TBX1: variants seen among roughly 807,000 people sequenced by gnomAD.
TBX1 encodes T-box transcription factor TBX1.
In TBX1, 16 loss-of-function variants were observed where a neutral mutation model predicts 40.8. The observed-to-expected ratio is 0.39, with a 90% CI of 0.27 to 0.60. The LOEUF (loss-of-function observed/expected upper bound fraction) is 0.60. Ranked by LOEUF, TBX1 falls within the 20% of genes least tolerant of loss-of-function variation. The pLI is 0.51. For missense variants in TBX1, 755 were observed against 728.5 expected (o/e 1.04, Z -0.42); for synonymous variants, 403 against 336.8 (o/e 1.20, Z -2.15).
chr22:19,783,295 T>C (rs1937160071), downstream of TBX1: 1 of 447,950 alleles, frequency 2.2e-6, no homozygotes, highest in South Asian at 2.1e-5. Flanking sequence ...TCGATTTCTC[T>C]ACACCCCACA....
chr22:19,765,196 T>A, intron 4 of TBX1, 83 bp downstream of exon 4: 1 of 1,595,442 alleles, frequency 6.3e-7, no homozygotes, highest in Non-Finnish European at 8.6e-7. Context: ...TTGGGGACAG[T>A]GGGTCCGCTT....
At chr22:19,762,576 A>G (rs1007240246) in intron 1 of TBX1, among the ~76,000 whole-genome samples, 1 of 152,204 alleles carries the variant, frequency 6.6e-6, no homozygotes, top group East Asian at 1.9e-4. Context: ...AACAGGAAAG[A>G]CACAAACTGA....
In TBX1 at chr22:19,765,071, G is replaced by A. The variant is rs767591426; in HGVS notation, c.825G>A (p.Glu275=). 3.7e-6 allele frequency: 6 copies of A among 1,614,128 alleles called. No individual in the cohort carries two copies. The South Asian group carries it at 5.5e-5, about 15-fold the overall frequency. The part of the protein sequence containing the change: ...AEENFKTFVF[E]ETRFTAVTAY... ...AGAACTTCAAAACCTTTGTGTTCGA[G>A]GAGACACGATTCACCGCGGTCACTG... The change falls in exon 4 of 7, where the codon GAG becomes GAA. Residue 275 remains glutamate, a synonymous_variant. Transcript: ENST00000649276.
rs901612741 is a variant in TBX1 at position 19,767,212 on chromosome 22, G to T, written c.*345G>T. On this transcript the variant is annotated 3_prime_UTR_variant, in exon 7 of 7. Coordinates refer to ENST00000649276, the MANE Select transcript of TBX1 (RefSeq NM_001379200.1). ...GACCGCGTCGCCCGCGGCCCGGCCG[G>T]CAGTTGCAGTGTAGACAGCCCGAGA... 9.1e-7 allele frequency: 1 copy of T among 1,099,632 alleles called. No individual in the cohort carries two copies. Among genetic ancestry groups the T allele is most frequent in the Non-Finnish European group, 1.1e-6 (1 of 904,380 alleles). 68.1% of individuals were successfully genotyped at this position (1,099,632 alleles called of 1,614,324 possible). A position where few individuals can be genotyped will look rare whatever the true frequency, so the allele number is the denominator to read the frequency against.
intron 2 of TBX1, chr22:19,763,754 G>T (rs1601288468): frequency 2.5e-6 from 1 of 395,216 alleles, no homozygotes; most frequent in East Asian, 5.1e-5. Context: ...ATTATGCAGG[G>T]CGGGCCTCAG....
At chr22:19,766,340 T>G in intron 6 of TBX1, 49 bp from the exon 7 acceptor site, 1 of 1,242,216 alleles carries the variant, frequency 8.1e-7, no homozygotes, top group South Asian at 2.8e-5. Flanking sequence ...GCGTCGGAGC[T>G]CCTCGGCGGC....
chr22:19,766,568 A>C lies in TBX1; in HGVS notation c.1216A>C (p.Asn406His), dbSNP rs72646967. 313,682 of 1,441,986 alleles carry C rather than the reference A, an allele frequency of 0.22. 37,415 individuals carry two copies. Among genetic ancestry groups the C allele is most frequent in the East Asian group, 0.47 (15,149 of 31,994 alleles). The allele number at this position is 1,441,986 out of a possible 1,614,324, so 89.3% of individuals were successfully genotyped here. ...GAPGGRPSPP[N>H]PELRLEAPGA... ...GCCCGGAGGCCGGCCCAGTCCCCCGAACCCCGAGCTGCGCCTGGAGGCGCC... is the reference window on the plus strand; with the variant it reads ...GCCCGGAGGCCGGCCCAGTCCCCCGCACCCCGAGCTGCGCCTGGAGGCGCC... Residue 406 changes from asparagine to histidine, a missense_variant, in exon 7 of 7, where the codon AAC becomes CAC. Transcript: ENST00000649276.
rs2145838243 is a variant in TBX1, at chr22:19,766,475, G to A, written c.1123G>A (p.Ala375Thr). The A allele has an allele frequency of 7.5e-7, 1 of 1,327,766 alleles. No individual in the cohort carries two copies. The highest frequency in any genetic ancestry group is 9.7e-7 in the Non-Finnish European group (1 of 1,033,086). 82.2% of individuals were successfully genotyped at this position (1,327,766 alleles called of 1,614,324 possible). The stretch of plus-strand genomic sequence containing the variant: ...CCCGGCGCATCCTCCGCAGCTGCTG[G>A]CCCGGGTGCTAAGCCCCTCGCTGCC... ...GDPAHPPQLL[A>T]RVLSPSLPGA... Residue 375 changes from alanine (A) to threonine (T), a missense_variant, in exon 7 of 7, where the codon GCC (alanine) becomes ACC (threonine). Around this residue, in one of 3 missense-constraint regions of TBX1, gnomAD observed 412 missense variants for 317.6 expected, o/e 1.30. Coordinates refer to ENST00000649276, the MANE Select transcript of TBX1 (RefSeq NM_001379200.1).
chr22:19,759,374 C>T (rs1936564093), upstream of TBX1: 1 of 589,542 alleles, frequency 1.7e-6, no homozygotes, highest in Non-Finnish European at 2.1e-6. Flanking sequence ...GCCAGGGGCC[C>T]CTGGCAGTGA....
At chr22:19,767,413 G>A, downstream of TBX1, 2 of 983,644 alleles carry the variant, frequency 2.0e-6, no homozygotes, top group Non-Finnish European at 1.2e-6. Context: ...GGGTAGCTCA[G>A]GGCCCTCAGG....
At chr22:19,781,680 T>A (rs1937144258), downstream of TBX1, among the ~76,000 whole-genome samples, 1 of 152,224 alleles carries the variant, frequency 6.6e-6, no homozygotes, top group Non-Finnish European at 1.5e-5. Context: ...TGGTTTTAGG[T>A]CTTAATTTAG....
At chr22:19,774,004 A>G (rs893438081) in intron 8 of TBX1, among the ~76,000 whole-genome samples, 1 of 152,256 alleles carries the variant, frequency 6.6e-6, no homozygotes, top group South Asian at 2.1e-4. Flanking sequence ...CAGAGATCCT[A>G]TCACATATAT....
intron 8 of TBX1, among the ~76,000 whole-genome samples, chr22:19,775,190 T>C (rs1937046557): frequency 6.6e-6 from 1 of 152,026 alleles, no homozygotes; most frequent in Non-Finnish European, 1.5e-5. Context: ...ACCTCCTGGG[T>C]TCAAGCGATT....
At chr22:19,783,442 C>T (rs1001082054), downstream of TBX1, 4 of 288,472 alleles carry the variant, frequency 1.4e-5, no homozygotes, top group East Asian at 9.0e-5. Context: ...ATGAGTTACT[C>T]GGGAGGCTGA....
downstream of TBX1, among the ~76,000 whole-genome samples, chr22:19,768,950 A>ATTTTTTTTTTTTTTTT (rs1601297935): frequency 2.1e-4 from 15 of 70,686 alleles, no homozygotes; most frequent in Admixed American, 3.4e-4. Flanking sequence ...GGCTGTTCGC[A>ATTTTTTTTTTTTTTTT]TTCTTTTTTT....
downstream of TBX1, among the ~76,000 whole-genome samples, chr22:19,771,804 G>A (rs1280399747): frequency 6.6e-6 from 1 of 152,224 alleles, no homozygotes; most frequent in Non-Finnish European, 1.5e-5. Flanking sequence ...CTAACTGAAG[G>A]ATCTTGGCTG....
chr22:19,775,095 TG>T (rs1937045203), intron 8 of TBX1, among the ~76,000 whole-genome samples: 1 of 150,224 alleles, frequency 6.7e-6, no homozygotes, highest in African/African-American at 2.5e-5. Context: ...GTGGGTTTTT[TG>T]GTTTTTATGT....
At chr22:19,770,146 A>C (rs972322120), downstream of TBX1, among the ~76,000 whole-genome samples, 1 of 152,018 alleles carries the variant, frequency 6.6e-6, no homozygotes, top group African/African-American at 2.4e-5. Context: ...GCCCTCCCCT[A>C]GCCTGGCTGC....
At chr22:19,757,580 C>T (rs957536618), upstream of TBX1, among the ~76,000 whole-genome samples, 1 of 152,230 alleles carries the variant, frequency 6.6e-6, no homozygotes, top group Non-Finnish European at 1.5e-5. Context: ...CATGCCCCCA[C>T]CGACTGGCCC....
Sources: allele counts gnomAD v4.1 joint callset (sites outside exome capture counted in the v4.1 genomes callset), GRCh38; gene constraint gnomAD v4.1.1; regional missense constraint gnomAD v4.1.1; transcripts MANE v1.5; gene names NCBI Gene and HGNC (gene_info 2026-07-23, HGNC 2026-07-21).